The following HIPK2 variants were observed in gnomAD, a reference collection of about 807,000 sequenced individuals.
HIPK2 encodes homeodomain interacting protein kinase 2.
HIPK2 carries 27 observed loss-of-function variants against 113.7 expected under a neutral mutation model. That is an observed-to-expected ratio of 0.24 (90% CI 0.17 to 0.33). HIPK2 has a LOEUF of 0.33. Ranked by LOEUF, HIPK2 falls within the 10% of genes least tolerant of loss-of-function variation. The pLI is 1.00. For synonymous variants in HIPK2, 631 were observed against 642.2 expected (o/e 0.98, Z 0.26); for missense variants, 1,257 against 1,588.0 (o/e 0.79, Z 3.54).
At chr7:139,747,189 C>T (rs1307621941) in intron 1 of HIPK2, among the ~76,000 whole-genome samples, 1 of 152,206 alleles carries the variant, frequency 6.6e-6, no homozygotes, top group Admixed American at 6.5e-5. Flanking sequence ...TCTGGTCACA[C>T]TCCCTGCAGC....
chr7:139,659,033 T>G (rs10954652), intron 2 of HIPK2, among the ~76,000 whole-genome samples: 89,737 of 151,898 alleles, frequency 0.59, 27,076 homozygotes, highest in Non-Finnish European at 0.67. Context: ...AAACACTGAC[T>G]GATGGACATA....
chr7:139,587,752 C>T (rs1338073281), intron 12 of HIPK2, among the ~76,000 whole-genome samples: 4 of 152,002 alleles, frequency 2.6e-5, no homozygotes, highest in African/African-American at 4.8e-5. Context: ...GTGGTGTGCA[C>T]CTATAGTCCT....
At chr7:139,632,022 G>A (rs1448219199) in intron 2 of HIPK2, among the ~76,000 whole-genome samples, 2 of 152,220 alleles carry the variant, frequency 1.3e-5, no homozygotes, top group Non-Finnish European at 2.9e-5. Flanking sequence ...CCAATCAGAT[G>A]AGCTAACAAC....
At chr7:139,600,726 A>T in intron 10 of HIPK2, 130 bp from the exon 11 acceptor site, 1 of 1,034,990 alleles carries the variant, frequency 9.7e-7, no homozygotes, top group South Asian at 1.6e-5. Context: ...GCAGCTGCTG[A>T]AGGGATGAGC....
chr7:139,694,818 G>C (rs1344663027), intron 2 of HIPK2, among the ~76,000 whole-genome samples: 2 of 152,182 alleles, frequency 1.3e-5, no homozygotes, highest in African/African-American at 4.8e-5. Context: ...GTTAACCCCA[G>C]GACAGGTGAC....
intron 5 of HIPK2, among the ~76,000 whole-genome samples, chr7:139,628,632 C>T (rs975105763): frequency 1.6e-4 from 25 of 152,152 alleles, no homozygotes; most frequent in African/African-American, 6.0e-4. Flanking sequence ...CGGGGTTTCG[C>T]CATGTTGGCC....
chr7:139,581,082 T>C (rs1444800988), intron 13 of HIPK2, among the ~76,000 whole-genome samples: 1 of 151,852 alleles, frequency 6.6e-6, no homozygotes, highest in Non-Finnish European at 1.5e-5. Context: ...TAGCCGGGCG[T>C]GGTGGTGCAT....
chr7:139,734,269 C>T (rs567842153), intron 1 of HIPK2, among the ~76,000 whole-genome samples: 50 of 152,314 alleles, frequency 3.3e-4, no homozygotes, highest in African/African-American at 1.2e-3. Flanking sequence ...CTCTCATCAC[C>T]ACCAGTGTTA....
chr7:139,619,384 A>G, intron 7 of HIPK2, among the ~76,000 whole-genome samples: 1 of 152,192 alleles, frequency 6.6e-6, no homozygotes, highest in East Asian at 1.9e-4. Flanking sequence ...TGGGAGTAGG[A>G]GTTACAGTTT....
chr7:139,628,880 T>C (rs1800516895), intron 5 of HIPK2, 73 bp downstream of exon 5: 5 of 1,293,388 alleles, frequency 3.9e-6, no homozygotes, highest in African/African-American at 1.5e-5. Context: ...CATTATCTTC[T>C]ATTACTATTG....
At chr7:139,762,726 G>A (rs575224945) in intron 1 of HIPK2, among the ~76,000 whole-genome samples, 1 of 152,336 alleles carries the variant, frequency 6.6e-6, no homozygotes, top group East Asian at 1.9e-4. Context: ...ATCATTCACT[G>A]ATTTGCCAAG....
At chr7:139,707,051 C>G (rs1000744063) in intron 2 of HIPK2, among the ~76,000 whole-genome samples, 1 of 152,242 alleles carries the variant, frequency 6.6e-6, no homozygotes, top group African/African-American at 2.4e-5. Context: ...ACCAGAGCCC[C>G]GCCTTTGGCC....
At position 139,584,057 on chromosome 7, in the gene HIPK2, A is replaced by G; in HGVS notation, c.2725T>C (p.Ser909Pro). ...EQKHAPTSTV[S>P]KQRKNVISCV... ...CTGATGACGTTTTTTCTTTGCTTGG[A>G]GACAGTGCTGAAAATGCAAAGGGAG... The change falls in exon 13 of 15, where the codon TCC becomes CCC. Residue 909 changes from serine (S) to proline (P), a missense_variant. This residue lies in a region of HIPK2 where 862 missense variants were observed against 1,004.3 expected (regional missense o/e 0.86). Coordinates refer to ENST00000406875, the MANE Select transcript of HIPK2 (RefSeq NM_022740.5). 1 of 1,585,242 alleles carries G rather than the reference A, an allele frequency of 6.3e-7. No homozygotes were observed. The highest frequency in any genetic ancestry group is 8.6e-7 in the Non-Finnish European group (1 of 1,163,538).
intron 1 of HIPK2, among the ~76,000 whole-genome samples, chr7:139,736,851 C>G (rs1357027029): frequency 6.6e-6 from 1 of 152,160 alleles, no homozygotes; most frequent in Non-Finnish European, 1.5e-5. Flanking sequence ...CGGCTGGATG[C>G]AGGGAAGCTC....
intron 1 of HIPK2, among the ~76,000 whole-genome samples, chr7:139,764,269 A>T (rs920066026): frequency 6.6e-6 from 1 of 152,228 alleles, no homozygotes; most frequent in Non-Finnish European, 1.5e-5. Flanking sequence ...CAGTCAATGG[A>T]AATATGACCA....
At chr7:139,734,389 C>T (rs929658750) in intron 1 of HIPK2, among the ~76,000 whole-genome samples, 4 of 152,202 alleles carry the variant, frequency 2.6e-5, no homozygotes, top group Admixed American at 6.5e-5. Context: ...CAAACTTTGA[C>T]GCAAATCACT....
At chr7:139,746,822 C>T (rs1312421056) in intron 1 of HIPK2, among the ~76,000 whole-genome samples, 2 of 152,140 alleles carry the variant, frequency 1.3e-5, no homozygotes, top group African/African-American at 4.8e-5. Flanking sequence ...AGAGTCCAGT[C>T]GGCCAAGGTG....
chr7:139,666,002 T>C (rs958844936), intron 2 of HIPK2, among the ~76,000 whole-genome samples: 8 of 150,440 alleles, frequency 5.3e-5, no homozygotes, highest in African/African-American at 2.0e-4. Context: ...GCTTTCAAGA[T>C]AGCAATTATG....
chr7:139,658,540 A>G (rs911315197), intron 2 of HIPK2, among the ~76,000 whole-genome samples: 2 of 152,232 alleles, frequency 1.3e-5, no homozygotes, highest in African/African-American at 2.4e-5. Context: ...AATTTTCTCC[A>G]TAGAAACTAA....
Sources: allele counts gnomAD v4.1 joint callset (sites outside exome capture counted in the v4.1 genomes callset), GRCh38; gene constraint gnomAD v4.1.1; regional missense constraint gnomAD v4.1.1; transcripts MANE v1.5; gene names NCBI Gene and HGNC (gene_info 2026-07-23, HGNC 2026-07-21).